The following KCTD16 variants were observed in gnomAD, a reference collection of about 807,000 sequenced individuals.
The protein encoded by KCTD16 is BTB/POZ domain-containing protein KCTD16.
In KCTD16, 13 loss-of-function variants were observed where a neutral mutation model predicts 33.2. The observed-to-expected ratio is 0.39, with a 90% CI of 0.25 to 0.62. The LOEUF is 0.62. Among genes scored for constraint, KCTD16 ranks in the 20% least tolerant of loss-of-function variants. KCTD16 has a pLI of 0.50. For missense variants in KCTD16, 441 were observed against 525.1 expected (o/e 0.84, Z 1.57); for synonymous variants, 197 against 195.3 (o/e 1.01, Z -0.07).
intron 3 of KCTD16, among the ~76,000 whole-genome samples, chr5:144,296,029 T>C (rs73312769): frequency 0.085 from 12,914 of 152,228 alleles, 1,341 homozygotes; most frequent in African/African-American, 0.24. Flanking sequence ...ACTAAGTTTG[T>C]GATAATTTGT....
At chr5:144,196,440 C>A (rs918005344) in intron 2 of KCTD16, among the ~76,000 whole-genome samples, 4 of 152,162 alleles carry the variant, frequency 2.6e-5, no homozygotes, top group Non-Finnish European at 4.4e-5. Context: ...GTCTTTGGGG[C>A]AAATAAAACA....
At chr5:144,216,605 G>A (rs1457615516) in intron 3 of KCTD16, among the ~76,000 whole-genome samples, 1 of 151,988 alleles carries the variant, frequency 6.6e-6, no homozygotes. Flanking sequence ...GCACTTTGGG[G>A]GACTGAGGTG....
In KCTD16 at chr5:144,442,888, G is replaced by GTTT. The variant is rs371480394; in HGVS notation, c.833-30769_833-30767dup. On this transcript the variant is annotated intron_variant, in intron 3 of 3. Transcript: ENST00000512467. ...CTAGGGATACAAGTGGAAGTCCCTG[G>GTTT]TTTTTGTTGTTGTTGTTGTTGTTTT... Among the ~76,000 whole-genome samples the GTTT allele has an allele frequency of 4.4e-4, 66 of 151,186 alleles. No homozygotes were observed. In the East Asian group the frequency reaches 0.012, roughly 27 times the overall value.
At chr5:144,209,557 A>G (rs999811968) in intron 3 of KCTD16, among the ~76,000 whole-genome samples, 1 of 151,998 alleles carries the variant, frequency 6.6e-6, no homozygotes, top group Non-Finnish European at 1.5e-5. Flanking sequence ...CTTAGGACCA[A>G]TAAAACTGAC....
intron 3 of KCTD16, among the ~76,000 whole-genome samples, chr5:144,211,770 A>G (rs934702504): frequency 6.6e-6 from 1 of 152,154 alleles, no homozygotes; most frequent in African/African-American, 2.4e-5. Flanking sequence ...AACATCAGGG[A>G]TAGCAGAGTG....
At chr5:144,412,778 T>C (rs566495625) in intron 3 of KCTD16, among the ~76,000 whole-genome samples, 4 of 152,076 alleles carry the variant, frequency 2.6e-5, no homozygotes, top group African/African-American at 9.6e-5. Context: ...CCCAGCTACT[T>C]GGGTAGCTGA....
chr5:144,419,626 A>C (rs1415980665), intron 3 of KCTD16, among the ~76,000 whole-genome samples: 1 of 152,192 alleles, frequency 6.6e-6, no homozygotes, highest in Non-Finnish European at 1.5e-5. Flanking sequence ...GGAGATGAAG[A>C]GGGAATAATC....
In KCTD16 at chr5:144,284,612, C is replaced by T. The variant is rs183983905; in HGVS notation, c.832+77066C>T. Among the ~76,000 whole-genome samples, 242 of 152,184 alleles carry T rather than the reference C, an allele frequency of 1.6e-3. 1 individual carries two copies. The highest frequency in any genetic ancestry group is 2.5e-3 in the Non-Finnish European group (173 of 67,986). On this transcript the variant is annotated intron_variant, in intron 3 of 3. Coordinates refer to ENST00000512467, the MANE Select transcript of KCTD16 (RefSeq NM_020768.4). ...TGAATGGCATATACAAAAGACAGTC[C>T]GTGCCTCTTTTTTTAAACTAATTGC...
In KCTD16 at chr5:144,480,181, A is replaced by G. The variant is rs1415551820; in HGVS notation, c.*6067A>G. The G allele has an allele frequency of 1.3e-5, 2 of 151,948 alleles. No homozygotes were observed. Among genetic ancestry groups the G allele is most frequent in the African/African-American group, 2.4e-5 (1 of 41,416 alleles). 9.4% of individuals were successfully genotyped at this position (151,948 alleles called of 1,614,324 possible). A position where few individuals can be genotyped will look rare whatever the true frequency, so the allele number is the denominator to read the frequency against. ...TGTGTGTGTGCACATGGCCATGTGC[A>G]ATTTTTAGGTTTATGTCAGCTCAGT... On this transcript the variant is annotated 3_prime_UTR_variant, in exon 4 of 4. Transcript: ENST00000512467.
chr5:144,196,948 C>T (rs1376858172), intron 2 of KCTD16, among the ~76,000 whole-genome samples: 2 of 152,076 alleles, frequency 1.3e-5, no homozygotes, highest in Non-Finnish European at 2.9e-5. Flanking sequence ...CTGCGTTGTA[C>T]AGCAAAAAAG....
At chr5:144,472,551 A>T (rs1754500706) in intron 3 of KCTD16, among the ~76,000 whole-genome samples, 1 of 152,226 alleles carries the variant, frequency 6.6e-6, no homozygotes, top group Admixed American at 6.5e-5. Flanking sequence ...ATAAATGAAA[A>T]GCTCACTGGC....
At chr5:144,434,396 C>T (rs935723717) in intron 3 of KCTD16, among the ~76,000 whole-genome samples, 2 of 151,908 alleles carry the variant, frequency 1.3e-5, no homozygotes, top group African/African-American at 2.4e-5. Flanking sequence ...TATTCATAGA[C>T]ATCATAATAT....
intron 2 of KCTD16, among the ~76,000 whole-genome samples, chr5:144,178,069 T>C (rs761868351): frequency 1.3e-5 from 2 of 152,236 alleles, no homozygotes; most frequent in Non-Finnish European, 2.9e-5. Flanking sequence ...GTAAACTTTT[T>C]ACATTGGGTT....
chr5:144,331,784 G>A (rs966898463), intron 3 of KCTD16, among the ~76,000 whole-genome samples: 4 of 152,116 alleles, frequency 2.6e-5, no homozygotes, highest in Non-Finnish European at 5.9e-5. Flanking sequence ...AAATGAAGAG[G>A]GATGCACTGA....
At chr5:144,252,886 C>G (rs1244909116) in intron 3 of KCTD16, among the ~76,000 whole-genome samples, 1 of 147,822 alleles carries the variant, frequency 6.8e-6, no homozygotes, top group African/African-American at 2.5e-5. Context: ...TTTCTCTCAT[C>G]TTGCCTTTTT....
rs1008041614 is a variant in KCTD16, at chr5:144,294,611, A to T, written c.832+87065A>T. Among the ~76,000 whole-genome samples, 9 of 152,098 alleles carry T rather than the reference A, an allele frequency of 5.9e-5. 1 individual carries two copies. Among genetic ancestry groups the T allele is most frequent in the African/African-American group, 2.2e-4 (9 of 41,436 alleles). ...ATTGTGTTAAATATGCTTGTTCCTC[A>T]TTCCTTCCATGTAGTGTCTTCATCA... On this transcript the variant is annotated intron_variant, in intron 3 of 3. Transcript: ENST00000512467.
chr5:144,310,909 C>T (rs547239785), intron 3 of KCTD16, among the ~76,000 whole-genome samples: 23 of 152,212 alleles, frequency 1.5e-4, no homozygotes, highest in Admixed American at 6.5e-4. Flanking sequence ...CTCTGAGGAG[C>T]GGGAAAATAC....
intron 2 of KCTD16, among the ~76,000 whole-genome samples, chr5:144,199,267 A>T (rs752448956): frequency 8.5e-5 from 13 of 152,194 alleles, no homozygotes; most frequent in Non-Finnish European, 1.6e-4. Context: ...AAGGTTGATA[A>T]TTACTGGCTT....
chr5:144,403,673 G>A (rs1029988576), intron 3 of KCTD16, among the ~76,000 whole-genome samples: 3 of 152,146 alleles, frequency 2.0e-5, no homozygotes, highest in African/African-American at 7.2e-5. Context: ...AGTAGCCCTT[G>A]GAAACTAATA....
Sources: gnomAD v4.1 joint callset for allele counts (sites outside exome capture counted in the v4.1 genomes callset) on GRCh38, gnomAD v4.1.1 for gene constraint, MANE v1.5 for transcripts, NCBI Gene and HGNC (gene_info 2026-07-23, HGNC 2026-07-21) for gene names.